OR52N4: variants seen among roughly 807,000 people sequenced by gnomAD.
The protein encoded by OR52N4 is olfactory receptor family 52 subfamily N member 4, also known as olfactory receptor 52N4.
Under a neutral mutation model 15.0 loss-of-function variants are expected in OR52N4, and 15 were observed. The ratio of observed to expected loss-of-function variants is 1.00; its 90% CI spans 0.67 to 1.54. The LOEUF (loss-of-function observed/expected upper bound fraction) is 1.54. Among genes scored for constraint, OR52N4 ranks in the 40% most tolerant of loss-of-function variants. The pLI is 0.00. For missense variants in OR52N4, 421 were observed against 394.0 expected, an observed-to-expected ratio of 1.07 and a Z score of -0.58; for synonymous variants, 143 against 143.7, an observed-to-expected ratio of 1.00 and a Z score of 0.03.
the OR52N4 span, chr11:5,734,085 CAGA>C: frequency 6.7e-6 from 3 of 447,292 alleles, no homozygotes; most frequent in African/African-American, 2.0e-5. Context: ...CCATAAATTT[CAGA>C]AGTTTATAAT....
chr11:5,735,093 C>A, the OR52N4 span, among the ~76,000 whole-genome samples: 3 of 152,016 alleles, frequency 2.0e-5, no homozygotes, highest in African/African-American at 7.2e-5. Flanking sequence ...TATCAAAAAT[C>A]AACCCATAAC....
upstream of OR52N4, among the ~76,000 whole-genome samples, chr11:5,752,645 T>C (rs1400042748): frequency 2.6e-5 from 4 of 152,204 alleles, no homozygotes; most frequent in East Asian, 5.8e-4. Context: ...TAATTTTTGT[T>C]ATTATAAATT....
chr11:5,736,996 A>G, the OR52N4 span: 1 of 1,614,164 alleles, frequency 6.2e-7, no homozygotes, highest in South Asian at 1.1e-5. Context: ...TGGTGCTGAG[A>G]AATGGCTTAT....
the OR52N4 span, among the ~76,000 whole-genome samples, chr11:5,731,214 A>T: frequency 1.2e-3 from 182 of 152,346 alleles, 2 homozygotes; most frequent in African/African-American, 4.0e-3. Flanking sequence ...GACATTGAGG[A>T]ATTACTGCTC....
the OR52N4 span, among the ~76,000 whole-genome samples, chr11:5,741,019 CTTTA>C: frequency 7.9e-6 from 1 of 126,234 alleles, no homozygotes; most frequent in African/African-American, 2.9e-5. Flanking sequence ...TAGCTCACTC[CTTTA>C]TTTATAACAT....
the OR52N4 span, among the ~76,000 whole-genome samples, chr11:5,732,974 T>TG: frequency 1.3e-5 from 2 of 151,990 alleles, no homozygotes; most frequent in Admixed American, 6.6e-5. Context: ...AGAGTTATTT[T>TG]GGGGTCATAA....
Position 5,755,026 on chromosome 11 carries a change from T to C in OR52N4, c.286T>C (p.Phe96Leu). Residue 96 changes from phenylalanine (F) to leucine (L), a missense_variant, in exon 2 of 2, where the codon TTT (phenylalanine) becomes CTT (leucine). By Grantham distance (22) the Phe-to-Leu change is conservative. Transcript: ENST00000641350. The stretch of plus-strand genomic sequence containing the variant: ...CTGGTTTCATCTCAAGGACATTGGA[T>C]TTGATGAATGCCTTGTCCAGATGTT... The part of the protein sequence containing the change: ...IFWFHLKDIG[F>L]DECLVQMFFT... 1 of 1,614,014 alleles carries C rather than the reference T, an allele frequency of 6.2e-7. No homozygotes were observed. Among genetic ancestry groups the C allele is most frequent in the Non-Finnish European group, 8.5e-7 (1 of 1,179,962 alleles).
chr11:5,728,966 A>T, the OR52N4 span, among the ~76,000 whole-genome samples: 1 of 151,886 alleles, frequency 6.6e-6, no homozygotes, highest in Admixed American at 6.6e-5. Flanking sequence ...TGTATACATG[A>T]GCCATGTTGG....
At chr11:5,750,510 G>A (rs1333500575), upstream of OR52N4, among the ~76,000 whole-genome samples, 1 of 151,942 alleles carries the variant, frequency 6.6e-6, no homozygotes, top group Non-Finnish European at 1.5e-5. Flanking sequence ...ATATTAAAGT[G>A]AGATGGAGAA....
rs1431187714 is a variant in OR52N4, at chr11:5,755,384, G to GT, written c.645dup (p.Ile216TyrfsTer26). 1 of 1,614,060 alleles carries GT rather than the reference G, an allele frequency of 6.2e-7. No homozygotes were observed. The highest frequency in any genetic ancestry group is 1.1e-5 in the South Asian group (1 of 91,082). On this transcript the variant is annotated frameshift_variant, in exon 2 of 2. Coordinates refer to ENST00000641350, the MANE Select transcript of OR52N4 (RefSeq NM_001005175.5). LOFTEE classifies it high-confidence loss of function. ...CTGATTTGGGGCTTTGACATACTGT[G>GT]TATCACCAACTCCTATACCATGATT...
chr11:5,737,669 A>G, the OR52N4 span: 4 of 528,808 alleles, frequency 7.6e-6, no homozygotes, highest in Non-Finnish European at 1.3e-5. Flanking sequence ...ATATTGACAA[A>G]AGCTAAATAT....
At chr11:5,749,985 T>C (rs1165153613), upstream of OR52N4, among the ~76,000 whole-genome samples, 1 of 151,934 alleles carries the variant, frequency 6.6e-6, no homozygotes, top group African/African-American at 2.4e-5. Context: ...ACTTAGATAG[T>C]TATGTAGTTC....
chr11:5,755,650 G>A lies in OR52N4; in HGVS notation c.910G>A (p.Asp304Asn). 1.2e-6 allele frequency: 2 copies of A among 1,613,746 alleles called. No individual in the cohort carries two copies. The highest frequency in any genetic ancestry group is 1.7e-6 in the Non-Finnish European group (2 of 1,179,774). Reference sequence around the variant, plus strand: ...TGGGGTGAAAACCAAACAGATACGAGACTGTGTCATAAGGATCCTTTCAGG... The same window carrying A: ...TGGGGTGAAAACCAAACAGATACGAAACTGTGTCATAAGGATCCTTTCAGG... ...VYGVKTKQIR[D>N]CVIRILSGSK... The change falls in exon 2 of 2, where the codon GAC (aspartate) becomes AAC (asparagine). Residue 304 changes from aspartate (D) to asparagine (N), a missense_variant. Transcript: ENST00000641350.
At chr11:5,735,271 A>G in the OR52N4 span, among the ~76,000 whole-genome samples, 126,028 of 152,026 alleles carry the variant, frequency 0.83, 52,455 homozygotes, top group Non-Finnish European at 0.86. Context: ...CTGCAGTGTA[A>G]AATACAAAGA....
At chr11:5,746,437 C>A in the OR52N4 span, among the ~76,000 whole-genome samples, 1 of 152,060 alleles carries the variant, frequency 6.6e-6, no homozygotes, top group Non-Finnish European at 1.5e-5. Flanking sequence ...ACAAGGAACT[C>A]AAGCAACTCA....
chr11:5,750,165 T>C (rs1174144505), upstream of OR52N4, among the ~76,000 whole-genome samples: 3 of 151,924 alleles, frequency 2.0e-5, no homozygotes, highest in Non-Finnish European at 4.4e-5. Context: ...AAGCAAATTA[T>C]TCTATTTTCG....
chr11:5,749,350 A>G (rs973762694), upstream of OR52N4, among the ~76,000 whole-genome samples: 4 of 152,016 alleles, frequency 2.6e-5, no homozygotes, highest in African/African-American at 7.2e-5. Context: ...TTCCAATCAC[A>G]TAGTTGGAAG....
chr11:5,751,945 C>T (rs1293944241), upstream of OR52N4, among the ~76,000 whole-genome samples: 1 of 151,984 alleles, frequency 6.6e-6, no homozygotes, highest in Non-Finnish European at 1.5e-5. Flanking sequence ...CATTTGAGAC[C>T]TCCTGATGAT....
upstream of OR52N4, among the ~76,000 whole-genome samples, chr11:5,751,535 T>C (rs1854190993): frequency 6.6e-6 from 1 of 152,142 alleles, no homozygotes; most frequent in Non-Finnish European, 1.5e-5. Flanking sequence ...TTGCCATTAC[T>C]TTTAATGGTA....
Sources: gnomAD v4.1 joint callset for allele counts (sites outside exome capture counted in the v4.1 genomes callset) on GRCh38, gnomAD v4.1.1 for gene constraint, MANE v1.5 for transcripts, NCBI Gene and HGNC (gene_info 2026-07-23, HGNC 2026-07-21) for gene names.